Variants in WLS observed in about 807,000 individuals in gnomAD.
The protein encoded by WLS is protein wntless homolog.
A neutral mutation model predicts 62.8 loss-of-function variants in WLS; 23 were observed. That is an observed-to-expected ratio of 0.37 (90% CI 0.26 to 0.52). The LOEUF (loss-of-function observed/expected upper bound fraction) is 0.52. WLS is among the 20% of genes least tolerant of loss of function. WLS has a pLI of 0.92. For missense variants in WLS, 615 were observed against 697.3 expected (o/e 0.88, Z 1.33); for synonymous variants, 246 against 244.1 (o/e 1.01, Z -0.07).
At chr1:68,185,703 C>A (rs1357345489) in intron 2 of WLS, among the ~76,000 whole-genome samples, 1 of 152,130 alleles carries the variant, frequency 6.6e-6, no homozygotes, top group Admixed American at 6.5e-5. Flanking sequence ...TCCATGAAAC[C>A]GGTCCCTGGT....
At chr1:68,164,433 T>C (rs1309217461) in intron 2 of WLS, among the ~76,000 whole-genome samples, 2 of 152,104 alleles carry the variant, frequency 1.3e-5, no homozygotes, top group Non-Finnish European at 2.9e-5. Flanking sequence ...TAATTTTGTA[T>C]TTTTAGCAGA....
At chr1:68,219,407 T>C (rs965583145) in intron 1 of WLS, among the ~76,000 whole-genome samples, 4 of 152,206 alleles carry the variant, frequency 2.6e-5, no homozygotes, top group African/African-American at 4.8e-5. Context: ...AACTCCAAAA[T>C]TGTACCATTT....
intron 8 of WLS, among the ~76,000 whole-genome samples, chr1:68,146,889 G>C (rs1349508105): frequency 6.6e-6 from 1 of 151,528 alleles, no homozygotes; most frequent in Non-Finnish European, 1.5e-5. Flanking sequence ...TGCCCAAATT[G>C]CCTTTTTTTT....
At chr1:68,213,099 G>C (rs1028372451) in intron 1 of WLS, among the ~76,000 whole-genome samples, 11 of 152,184 alleles carry the variant, frequency 7.2e-5, no homozygotes, top group Non-Finnish European at 1.6e-4. Flanking sequence ...TTTGAGGAAA[G>C]ACATGCCTCT....
At chr1:68,232,101 G>A in intron 1 of WLS, 93 bp downstream of exon 1, 1 of 1,524,634 alleles carries the variant, frequency 6.6e-7, no homozygotes, top group Non-Finnish European at 9.0e-7. Context: ...TAGAAGCAAG[G>A]CAGTGATACT....
intron 11 of WLS, among the ~76,000 whole-genome samples, chr1:68,136,493 A>G (rs1281112841): frequency 2.6e-5 from 4 of 152,206 alleles, no homozygotes; most frequent in Non-Finnish European, 1.5e-5. Context: ...AAATGATCTA[A>G]TAATTCTGGA....
intron 1 of WLS, among the ~76,000 whole-genome samples, chr1:68,229,515 G>A (rs1255075984): frequency 2.0e-5 from 3 of 152,156 alleles, no homozygotes; most frequent in Non-Finnish European, 2.9e-5. Flanking sequence ...GAGCAGAGGA[G>A]GTTTCTGAAC....
chr1:68,156,139 CA>C (rs1383370389), intron 3 of WLS, among the ~76,000 whole-genome samples: 5 of 151,956 alleles, frequency 3.3e-5, no homozygotes, highest in Non-Finnish European at 2.9e-5. Flanking sequence ...GGGTGGGGGC[CA>C]GGGGTAAAGA....
intron 11 of WLS, among the ~76,000 whole-genome samples, chr1:68,107,320 C>T (rs2478148): frequency 0.098 from 14,821 of 151,536 alleles, 1,821 homozygotes; most frequent in African/African-American, 0.29. Flanking sequence ...GCTATTAACA[C>T]AATGTGGCAA....
At chr1:68,104,036 G>A (rs1293470816) in intron 11 of WLS, among the ~76,000 whole-genome samples, 3 of 152,074 alleles carry the variant, frequency 2.0e-5, no homozygotes, top group East Asian at 3.9e-4. Context: ...AGCCACACTG[G>A]CTCAAGGGCC....
intron 2 of WLS, among the ~76,000 whole-genome samples, chr1:68,178,705 CAA>C (rs376126398): frequency 3.9e-4 from 42 of 108,168 alleles, no homozygotes; most frequent in African/African-American, 8.6e-4. Context: ...GACTACATTT[CAA>C]AAAAAAAAAA....
chr1:68,217,146 G>C (rs962459496), intron 1 of WLS, among the ~76,000 whole-genome samples: 1 of 152,060 alleles, frequency 6.6e-6, no homozygotes, highest in Admixed American at 6.6e-5. Flanking sequence ...GTACCTTCTT[G>C]GTTCAAGGAA....
chr1:68,158,440 G>T (rs911496392), intron 3 of WLS, among the ~76,000 whole-genome samples: 2 of 152,138 alleles, frequency 1.3e-5, no homozygotes, highest in Non-Finnish European at 2.9e-5. Context: ...ATATGTCCCA[G>T]ACAAGATGTT....
chr1:68,172,988 G>T (rs1447041439), intron 2 of WLS, among the ~76,000 whole-genome samples: 2 of 152,206 alleles, frequency 1.3e-5, no homozygotes, highest in Non-Finnish European at 2.9e-5. Flanking sequence ...CTGTGCGGAA[G>T]ACGGACTGGG....
chr1:68,170,160 C>CTTTTTTTCTTTTTTTTT (rs1553131191), intron 2 of WLS, among the ~76,000 whole-genome samples: 1 of 86,752 alleles, frequency 1.2e-5, no homozygotes, highest in Non-Finnish European at 2.3e-5. Flanking sequence ...GCTACTATTT[C>CTTTTTTTCTTTTTTTTT]TTTTTTTTTT....
Position 68,159,172 on chromosome 1 carries a change from G to A in WLS, c.455C>T (p.Ala152Val), listed in dbSNP as rs1034138201. 3 of 1,613,948 alleles carry A rather than the reference G, an allele frequency of 1.9e-6. No homozygotes were observed. The East Asian group carries it at 6.7e-5, about 36-fold the overall frequency. The stretch of plus-strand genomic sequence containing the variant: ...GAGTTTCCGTGGTACTCTTTCATGG[G>A]CCATTTCAGTCCACTCAGCAAACGC... Reference protein sequence around the residue: ...DDAFAEWTEMAHERVPRKLKC... With the variant: ...DDAFAEWTEMVHERVPRKLKC... Residue 152 changes from alanine to valine, a missense_variant, in exon 3 of 12, where the codon GCC becomes GTC. Ala to Val is a moderately conservative substitution (Grantham distance 64). Coordinates refer to ENST00000262348, the MANE Select transcript of WLS (RefSeq NM_024911.7).
At chr1:68,194,795 C>T (rs144276663) in intron 1 of WLS, among the ~76,000 whole-genome samples, 34 of 152,304 alleles carry the variant, frequency 2.2e-4, no homozygotes, top group Non-Finnish European at 3.7e-4. Flanking sequence ...CACCAGTTAG[C>T]TTGGTACCTA....
chr1:68,229,591 C>A (rs922816221), intron 1 of WLS, among the ~76,000 whole-genome samples: 2 of 152,140 alleles, frequency 1.3e-5, no homozygotes, highest in African/African-American at 4.8e-5. Flanking sequence ...CACTTTGTTG[C>A]TATTCTTTCC....
At chr1:68,144,152 A>G (rs529529368) in intron 10 of WLS, among the ~76,000 whole-genome samples, 1 of 152,330 alleles carries the variant, frequency 6.6e-6, no homozygotes, top group South Asian at 2.1e-4. Context: ...TATCAAAGAG[A>G]CTTTTGAATT....
Sources: allele counts gnomAD v4.1 joint callset (sites outside exome capture counted in the v4.1 genomes callset), GRCh38; gene constraint gnomAD v4.1.1; transcripts MANE v1.5; gene names NCBI Gene and HGNC (gene_info 2026-07-23, HGNC 2026-07-21).